The following CAMK4 variants were observed in gnomAD, a reference collection of about 807,000 sequenced individuals.
CAMK4 encodes calcium/calmodulin-dependent protein kinase type IV.
Under a neutral mutation model 44.9 loss-of-function variants are expected in CAMK4, and 22 were observed. The observed-to-expected ratio is 0.49, with a 90% CI of 0.35 to 0.70. The LOEUF (loss-of-function observed/expected upper bound fraction) is 0.70. Ranked by LOEUF, CAMK4 falls within the 30% of genes least tolerant of loss-of-function variation. The probability of loss-of-function intolerance (pLI) is 0.01; values close to 1 mark genes in which losing one functional copy is unlikely to be tolerated. For missense variants in CAMK4, 498 were observed against 586.8 expected (o/e 0.85, Z 1.56); for synonymous variants, 218 against 215.4 (o/e 1.01, Z -0.11).
intron 1 of CAMK4, among the ~76,000 whole-genome samples, chr5:111,268,756 T>C (rs1166921515): frequency 6.6e-6 from 1 of 152,214 alleles, no homozygotes; most frequent in Admixed American, 6.5e-5. Context: ...TTGTTTCCAC[T>C]CTATTTTAAA....
chr5:111,358,833 T>C (rs1241243595), intron 2 of CAMK4, among the ~76,000 whole-genome samples: 1 of 152,114 alleles, frequency 6.6e-6, no homozygotes, highest in African/African-American at 2.4e-5. Context: ...AGTTTTCTGT[T>C]ACTGTGTTAG....
At chr5:111,385,238 T>A (rs976338440) in intron 4 of CAMK4, among the ~76,000 whole-genome samples, 1 of 152,104 alleles carries the variant, frequency 6.6e-6, no homozygotes, top group African/African-American at 2.4e-5. Context: ...AGTATTCATG[T>A]GGGGATGATA....
intron 1 of CAMK4, among the ~76,000 whole-genome samples, chr5:111,266,722 T>C (rs1205203194): frequency 6.6e-6 from 1 of 152,244 alleles, no homozygotes; most frequent in East Asian, 1.9e-4. Context: ...CTGTGGCATA[T>C]GGTTTATAGA....
chr5:111,310,701 T>C (rs929426688), intron 1 of CAMK4, among the ~76,000 whole-genome samples: 3 of 152,190 alleles, frequency 2.0e-5, no homozygotes, highest in Non-Finnish European at 2.9e-5. Flanking sequence ...GCTTTAAGAC[T>C]AAGGGTATGT....
At chr5:111,271,022 C>G (rs575642025) in intron 1 of CAMK4, among the ~76,000 whole-genome samples, 1 of 152,138 alleles carries the variant, frequency 6.6e-6, no homozygotes, top group Non-Finnish European at 1.5e-5. Context: ...GTCAGACACT[C>G]ATAAAACCAT....
chr5:111,367,150 A>G (rs1296219975), intron 2 of CAMK4, among the ~76,000 whole-genome samples: 1 of 149,840 alleles, frequency 6.7e-6, no homozygotes, highest in Non-Finnish European at 1.5e-5. Flanking sequence ...TAAACAGAAT[A>G]CCGCATTCTA....
At chr5:111,394,887 C>G in intron 5 of CAMK4, 105 bp downstream of exon 5, 1 of 724,456 alleles carries the variant, frequency 1.4e-6, no homozygotes, top group South Asian at 1.8e-5. Flanking sequence ...CATTTTACAG[C>G]ATAAAGTTGT....
At chr5:111,263,037 A>G (rs913560437) in intron 1 of CAMK4, among the ~76,000 whole-genome samples, 3 of 152,206 alleles carry the variant, frequency 2.0e-5, no homozygotes, top group African/African-American at 7.2e-5. Context: ...ATATAAGTGA[A>G]TCATACTAAG....
At chr5:111,394,871 G>A in intron 5 of CAMK4, 89 bp downstream of exon 5, 1 of 826,702 alleles carries the variant, frequency 1.2e-6, no homozygotes, top group Non-Finnish European at 2.0e-6. Flanking sequence ...TCTGTGATAA[G>A]CCATACATTT....
chr5:111,296,371 T>C (rs1414518711), intron 1 of CAMK4, among the ~76,000 whole-genome samples: 1 of 152,246 alleles, frequency 6.6e-6, no homozygotes, highest in East Asian at 1.9e-4. Flanking sequence ...GCATTTATAT[T>C]ATAGAAGTCA....
chr5:111,323,818 G>A (rs1748762573), intron 1 of CAMK4, among the ~76,000 whole-genome samples: 3 of 152,198 alleles, frequency 2.0e-5, no homozygotes, highest in Middle Eastern at 3.4e-3. Context: ...ATAGAAATCA[G>A]TGAAGAGCAT....
intron 1 of CAMK4, among the ~76,000 whole-genome samples, chr5:111,309,942 A>G (rs148423873): frequency 1.3e-5 from 2 of 152,262 alleles, no homozygotes; most frequent in African/African-American, 4.8e-5. Context: ...GTGCTATCTC[A>G]CACATGCTTC....
In CAMK4 at chr5:111,376,850, C is replaced by G; in HGVS notation, c.304-10C>G. On this transcript the variant is annotated splice_polypyrimidine_tract_variant and intron_variant, in intron 3 of 10. Transcript: ENST00000282356. ...ATTTGTGATATTCTTTTTTTTATATCTTTCCCTAGATAAAACTTAAAGAGA... is the reference window on the plus strand; with the variant it reads ...ATTTGTGATATTCTTTTTTTTATATGTTTCCCTAGATAAAACTTAAAGAGA... 6.7e-7 allele frequency: 1 copy of G among 1,495,864 alleles called. No homozygotes were observed. The highest frequency in any genetic ancestry group is 9.2e-7 in the Non-Finnish European group (1 of 1,082,914). 92.7% of individuals were successfully genotyped at this position (1,495,864 alleles called of 1,614,324 possible).
chr5:111,228,342 T>C (rs1245894160), intron 1 of CAMK4, among the ~76,000 whole-genome samples: 1 of 152,224 alleles, frequency 6.6e-6, no homozygotes, highest in Non-Finnish European at 1.5e-5. Context: ...CCCACTGCAA[T>C]GTAATTTTAA....
intron 1 of CAMK4, among the ~76,000 whole-genome samples, chr5:111,230,311 C>T (rs1006429036): frequency 6.6e-6 from 1 of 152,156 alleles, no homozygotes; most frequent in Non-Finnish European, 1.5e-5. Context: ...GATTCAGTTT[C>T]ACCTTCACTG....
Position 111,488,915 on chromosome 5 carries a change from T to G in CAMK4, c.*4449T>G, listed in dbSNP as rs1458208858. 1 of 152,192 alleles carries G rather than the reference T, an allele frequency of 6.6e-6. No individual in the cohort carries two copies. Among genetic ancestry groups the G allele is most frequent in the Admixed American group, 6.5e-5 (1 of 15,282 alleles). 9.4% of individuals were successfully genotyped at this position (152,192 alleles called of 1,614,324 possible). On this transcript the variant is annotated 3_prime_UTR_variant, in exon 11 of 11. Transcript: ENST00000282356. Reference sequence around the variant, plus strand: ...AGATTTACTTTAGATGGTGCAAAATTTCCAGATAGTAACCTATGTAAAAGG... The same window carrying G: ...AGATTTACTTTAGATGGTGCAAAATGTCCAGATAGTAACCTATGTAAAAGG...
intron 1 of CAMK4, among the ~76,000 whole-genome samples, chr5:111,323,584 GACAAT>G (rs1207605153): frequency 6.6e-5 from 10 of 151,508 alleles, no homozygotes; most frequent in Non-Finnish European, 5.9e-5. Context: ...AAGACCAGAA[GACAAT>G]GGAACAACAC....
chr5:111,430,743 C>CA (rs1753412778), intron 5 of CAMK4, among the ~76,000 whole-genome samples: 1 of 152,000 alleles, frequency 6.6e-6, no homozygotes, highest in Non-Finnish European at 1.5e-5. Flanking sequence ...GAAACTTACC[C>CA]AAGGAAGTGA....
intron 4 of CAMK4, among the ~76,000 whole-genome samples, chr5:111,392,794 G>A (rs1231030915): frequency 6.6e-6 from 1 of 152,006 alleles, no homozygotes; most frequent in Non-Finnish European, 1.5e-5. Flanking sequence ...GTACTTCTAG[G>A]AGACAATGAC....
Sources: allele counts gnomAD v4.1 joint callset (sites outside exome capture counted in the v4.1 genomes callset), GRCh38; gene constraint gnomAD v4.1.1; transcripts MANE v1.5; gene names NCBI Gene and HGNC (gene_info 2026-07-23, HGNC 2026-07-21).